The following SAMD13 variants were observed in gnomAD, a reference collection of about 807,000 sequenced individuals.
SAMD13 encodes sterile alpha motif domain containing 13, also known as sterile alpha motif domain-containing protein 13.
SAMD13 carries 9 observed loss-of-function variants against 12.4 expected under a neutral mutation model. The observed-to-expected ratio is 0.72, with a 90% confidence interval of 0.44 to 1.26. The LOEUF is 1.26. SAMD13 is among the 50% of genes most tolerant of loss of function. The probability of loss-of-function intolerance (pLI) is 0.00; values close to 1 mark genes in which losing one functional copy is unlikely to be tolerated. For missense variants in SAMD13, 84 were observed against 119.6 expected, an observed-to-expected ratio of 0.70 and a Z score of 1.39; for synonymous variants, 46 against 45.4, an observed-to-expected ratio of 1.01 and a Z score of -0.05.
At chr1:84,324,270 T>C (rs1458146435) in intron 2 of SAMD13, among the ~76,000 whole-genome samples, 2 of 152,176 alleles carry the variant, frequency 1.3e-5, no homozygotes, top group African/African-American at 4.8e-5. Flanking sequence ...CAGCTCCTCA[T>C]TGCTCTTAGC....
chr1:84,341,828 G>A (rs944131208), intron 3 of SAMD13, among the ~76,000 whole-genome samples: 1 of 152,108 alleles, frequency 6.6e-6, no homozygotes, highest in African/African-American at 2.4e-5. Context: ...AGAAGAGGTT[G>A]TAAAAGGAAG....
intron 2 of SAMD13, among the ~76,000 whole-genome samples, chr1:84,323,430 C>T (rs1339878631): frequency 1.3e-5 from 2 of 151,998 alleles, no homozygotes; most frequent in Non-Finnish European, 2.9e-5. Context: ...TGCATGTGTG[C>T]ATATGGGTAT....
intron 3 of SAMD13, among the ~76,000 whole-genome samples, chr1:84,343,014 AAAAC>A (rs1274687258): frequency 2.6e-5 from 4 of 152,206 alleles, no homozygotes; most frequent in Non-Finnish European, 5.9e-5. Flanking sequence ...TTACAAGAAA[AAAAC>A]AAACAACCCC....
intron 3 of SAMD13, chr1:84,344,785 A>G (rs940624363): frequency 2.5e-5 from 10 of 404,256 alleles, no homozygotes; most frequent in African/African-American, 6.2e-5. Flanking sequence ...ACAAGAACCC[A>G]GGGAACAAAG....
At chr1:84,329,792 C>T (rs955716593) in intron 3 of SAMD13, among the ~76,000 whole-genome samples, 1 of 152,196 alleles carries the variant, frequency 6.6e-6, no homozygotes, top group African/African-American at 2.4e-5. Context: ...CCCTGCCTAG[C>T]CCATCACAAA....
chr1:84,336,253 T>G (rs1463774059), intron 3 of SAMD13, among the ~76,000 whole-genome samples: 1 of 152,206 alleles, frequency 6.6e-6, no homozygotes, highest in Non-Finnish European at 1.5e-5. Flanking sequence ...CTTTTTAAAT[T>G]TTTTTCTTTA....
intron 3 of SAMD13, among the ~76,000 whole-genome samples, chr1:84,338,452 T>TTTTTTC (rs1365408385): frequency 1.4e-5 from 2 of 146,398 alleles, no homozygotes; most frequent in African/African-American, 5.2e-5. Context: ...TTTTTTTTTT[T>TTTTTTC]TTTAAGATGG....
In SAMD13 at chr1:84,303,232, C is replaced by T; in HGVS notation, c.-3C>T. The T allele has an allele frequency of 1.2e-6, 2 of 1,613,144 alleles. No homozygotes were observed. Among genetic ancestry groups the T allele is most frequent in the East Asian group, 2.2e-5 (1 of 44,852 alleles). ...TGAAGTAAAGGAACCCTGCAGCCTT[C>T]CCATGCTATCTGTTGACATGGAAAA... On this transcript the variant is annotated 5_prime_UTR_variant, in exon 2 of 4. Coordinates refer to ENST00000394834, the MANE Select transcript of SAMD13 (RefSeq NM_001134663.2).
Position 84,349,690 on chromosome 1 carries a change from G to A in SAMD13, c.225G>A (p.Gln75=), listed in dbSNP as rs758208864. Residue 75 remains glutamine (Q), a synonymous_variant, in exon 4 of 4, where the codon CAG becomes CAA. Transcript: ENST00000394834. ...MTRNDVLTGL[Q]LKLGPALKIY... ...GAAATGATGTGTTGACAGGACTTCA[G>A]TTAAAATTGGGGCCTGCTCTGAAAA... 2.8e-5 allele frequency: 45 copies of A among 1,613,936 alleles called. No individual in the cohort carries two copies. The highest frequency in any genetic ancestry group is 3.8e-5 in the Non-Finnish European group (45 of 1,179,886).
chr1:84,326,991 C>T (rs543814967), intron 3 of SAMD13, among the ~76,000 whole-genome samples: 4 of 152,260 alleles, frequency 2.6e-5, no homozygotes, highest in East Asian at 3.9e-4. Flanking sequence ...TAAACATTCA[C>T]GAGGATGTGG....
chr1:84,325,584 CA>C, intron 2 of SAMD13, 52 bp from the exon 3 acceptor site: 1 of 1,115,896 alleles, frequency 9.0e-7, no homozygotes, highest in Non-Finnish European at 1.4e-6. Context: ...TGAGCCTGGC[CA>C]CACCCTTGTG....
chr1:84,333,241 T>G (rs1265970165), intron 3 of SAMD13, among the ~76,000 whole-genome samples: 1 of 152,348 alleles, frequency 6.6e-6, no homozygotes, highest in African/African-American at 2.4e-5. Flanking sequence ...TCCAGTTCTG[T>G]GAAGAATGTC....
intron 2 of SAMD13, among the ~76,000 whole-genome samples, chr1:84,313,619 A>T (rs1678763813): frequency 6.6e-6 from 1 of 152,098 alleles, no homozygotes; most frequent in Non-Finnish European, 1.5e-5. Flanking sequence ...TTTCAACAGG[A>T]AGCAGTTTAT....
Position 84,303,220 on chromosome 1 carries a change from C to A in SAMD13, c.-15C>A. 3 of 1,612,486 alleles carry A rather than the reference C, an allele frequency of 1.9e-6. No individual in the cohort carries two copies. The highest frequency in any genetic ancestry group is 2.5e-6 in the Non-Finnish European group (3 of 1,178,744). ...TTGATTAGTTGCTGAAGTAAAGGAA[C>A]CCTGCAGCCTTCCCATGCTATCTGT... On this transcript the variant is annotated 5_prime_UTR_variant, in exon 2 of 4. Transcript: ENST00000394834.
chr1:84,342,563 A>G (rs754722981), intron 3 of SAMD13, among the ~76,000 whole-genome samples: 6 of 152,150 alleles, frequency 3.9e-5, no homozygotes, highest in Non-Finnish European at 8.8e-5. Context: ...CACATCTACA[A>G]TCATCTGATC....
At chr1:84,339,911 C>T in intron 3 of SAMD13, among the ~76,000 whole-genome samples, 1 of 152,134 alleles carries the variant, frequency 6.6e-6, no homozygotes. Flanking sequence ...AAGCAAACTC[C>T]CTGAGGTTAT....
chr1:84,319,484 TAGTC>T (rs1047863354), intron 2 of SAMD13, among the ~76,000 whole-genome samples: 1 of 151,780 alleles, frequency 6.6e-6, no homozygotes, highest in African/African-American at 2.4e-5. Flanking sequence ...TACAAAAAAT[TAGTC>T]AGGCATGGTG....
chr1:84,322,397 C>G (rs1421403720), intron 2 of SAMD13, among the ~76,000 whole-genome samples: 1 of 152,126 alleles, frequency 6.6e-6, no homozygotes, highest in Non-Finnish European at 1.5e-5. Context: ...CCTTTCTGAG[C>G]CTTCGTTTCC....
rs1017659526 is a variant in SAMD13, at chr1:84,301,798, A to G, written c.-36A>G. The G allele has an allele frequency of 8.1e-6, 8 of 983,282 alleles. 1 individual carries two copies. Among genetic ancestry groups the G allele is most frequent in the Admixed American group, 6.1e-5 (1 of 16,284 alleles). 60.9% of individuals were successfully genotyped at this position (983,282 alleles called of 1,614,324 possible). A position where few individuals can be genotyped will look rare whatever the true frequency, so the allele number is the denominator to read the frequency against. ...AAAAAATGATATTTTTTAGTTGCTT[A>G]TAGGTAGGTTTTCTTTTTACTCTTC... On this transcript the variant is annotated 5_prime_UTR_variant, in exon 1 of 4. Coordinates refer to ENST00000394834, the MANE Select transcript of SAMD13 (RefSeq NM_001134663.2).
Sources: gnomAD v4.1 joint callset for allele counts (sites outside exome capture counted in the v4.1 genomes callset) on GRCh38, gnomAD v4.1.1 for gene constraint, MANE v1.5 for transcripts, NCBI Gene and HGNC (gene_info 2026-07-23, HGNC 2026-07-21) for gene names.